The following ARHGAP32 variants were observed in gnomAD, a reference collection of about 807,000 sequenced individuals.
ARHGAP32 encodes rho GTPase-activating protein 32.
Under a neutral mutation model 186.5 loss-of-function variants are expected in ARHGAP32, and 51 were observed. The observed-to-expected ratio is 0.27, with a 90% confidence interval of 0.22 to 0.35. The LOEUF is 0.35. Among genes scored for constraint, ARHGAP32 ranks in the 10% least tolerant of loss-of-function variants. The pLI, the probability that ARHGAP32 is intolerant of heterozygous loss-of-function variation, is 1.00. For missense variants in ARHGAP32, 2,186 were observed against 2,623.5 expected (o/e 0.83, Z 3.64); for synonymous variants, 950 against 964.3 (o/e 0.99, Z 0.27).
intron 6 of ARHGAP32, among the ~76,000 whole-genome samples, chr11:129,078,248 G>A (rs1173923286): frequency 6.6e-6 from 1 of 152,092 alleles, no homozygotes; most frequent in African/African-American, 2.4e-5. Context: ...CCATCCCTAG[G>A]GGAAGGGGGT....
At chr11:129,029,727 G>A (rs969417323) in intron 11 of ARHGAP32, among the ~76,000 whole-genome samples, 3 of 149,162 alleles carry the variant, frequency 2.0e-5, no homozygotes, top group Non-Finnish European at 3.0e-5. Flanking sequence ...GCGTGAACCC[G>A]GGAGGCGGAG....
chr11:129,162,115 T>C (rs1042853638), intron 2 of ARHGAP32, among the ~76,000 whole-genome samples: 4 of 151,784 alleles, frequency 2.6e-5, no homozygotes, highest in African/African-American at 9.7e-5. Context: ...ATGGACACAG[T>C]GAGTGGAACA....
intron 15 of ARHGAP32, among the ~76,000 whole-genome samples, chr11:128,984,094 C>G (rs1945793481): frequency 6.6e-6 from 1 of 152,126 alleles, no homozygotes; most frequent in Admixed American, 6.5e-5. Flanking sequence ...AAAAGGAAGG[C>G]CGGGCACAGT....
intron 12 of ARHGAP32, among the ~76,000 whole-genome samples, chr11:128,994,716 T>C (rs994318119): frequency 6.6e-6 from 1 of 152,218 alleles, no homozygotes; most frequent in Non-Finnish European, 1.5e-5. Context: ...AAAAACCATT[T>C]TATTTCCTAA....
In ARHGAP32 at chr11:129,062,422, G is replaced by C. The variant is rs1940538373; in HGVS notation, c.886-65C>G. Reference sequence around the variant, plus strand: ...AATTTTAAACCAATTGTTATACCTAGAATTTAAATCCGAACTGTATGAAAA... The same window carrying C: ...AATTTTAAACCAATTGTTATACCTACAATTTAAATCCGAACTGTATGAAAA... On this transcript the variant is annotated intron_variant, in intron 9 of 22. Transcript: ENST00000682385. 2.2e-6 allele frequency: 3 copies of C among 1,360,572 alleles called. No individual in the cohort carries two copies. The Admixed American group carries it at 5.1e-5, about 23-fold the overall frequency. The allele number at this position is 1,360,572 out of a possible 1,614,324, so 84.3% of individuals were successfully genotyped here. A position where few individuals can be genotyped will look rare whatever the true frequency, so the allele number is the denominator to read the frequency against.
intron 12 of ARHGAP32, among the ~76,000 whole-genome samples, chr11:128,989,515 TTCACAC>T (rs1217659532): frequency 1.1e-5 from 1 of 87,184 alleles, no homozygotes. Flanking sequence ...TGTTTTTTAT[TTCACAC>T]ACACACACAC....
At chr11:128,984,943 C>T (rs1300053044) in intron 15 of ARHGAP32, among the ~76,000 whole-genome samples, 2 of 152,148 alleles carry the variant, frequency 1.3e-5, no homozygotes, top group African/African-American at 2.4e-5. Flanking sequence ...TACAGATAGT[C>T]TCCAACTTAC....
At chr11:129,085,015 G>A (rs1941340655) in intron 6 of ARHGAP32, among the ~76,000 whole-genome samples, 1 of 151,422 alleles carries the variant, frequency 6.6e-6, no homozygotes, top group Non-Finnish European at 1.5e-5. Flanking sequence ...GAGAAATTTT[G>A]TTTGGTTTTA....
chr11:128,991,872 T>G (rs1448206190), intron 12 of ARHGAP32, among the ~76,000 whole-genome samples: 3 of 152,222 alleles, frequency 2.0e-5, no homozygotes, highest in African/African-American at 7.2e-5. Flanking sequence ...ATCTTTGATT[T>G]TTTTTTCTTG....
At chr11:129,064,792 G>T in intron 8 of ARHGAP32, 49 bp downstream of exon 8, 2 of 1,371,578 alleles carry the variant, frequency 1.5e-6, no homozygotes, top group Non-Finnish European at 2.0e-6. Context: ...AATTTCTTAA[G>T]TAGATAATTT....
At chr11:128,981,589 G>A (rs138714402) in intron 16 of ARHGAP32, 28 bp from the exon 17 acceptor site, 1 of 1,590,854 alleles carries the variant, frequency 6.3e-7, no homozygotes, top group East Asian at 2.2e-5. Flanking sequence ...TCATCACAGA[G>A]TTGTAAAGAT....
intron 1 of ARHGAP32, among the ~76,000 whole-genome samples, chr11:129,237,993 T>C (rs1944960031): frequency 6.6e-6 from 1 of 152,128 alleles, no homozygotes; most frequent in Non-Finnish European, 1.5e-5. Flanking sequence ...AGACGCATTT[T>C]GATGGTAGGG....
intron 1 of ARHGAP32, among the ~76,000 whole-genome samples, chr11:129,277,593 G>C (rs1350356245): frequency 6.6e-6 from 1 of 152,194 alleles, no homozygotes; most frequent in African/African-American, 2.4e-5. Context: ...ACAAGTCTCT[G>C]TCCAAAGTGC....
chr11:129,214,185 T>A (rs1331525409), intron 1 of ARHGAP32, among the ~76,000 whole-genome samples: 1 of 152,024 alleles, frequency 6.6e-6, no homozygotes. Flanking sequence ...GGTAATGGCA[T>A]CCCAGATGAA....
intron 1 of ARHGAP32, among the ~76,000 whole-genome samples, chr11:129,168,289 T>C (rs1210484593): frequency 1.3e-5 from 2 of 152,104 alleles, no homozygotes; most frequent in East Asian, 3.9e-4. Flanking sequence ...ATACTTTAAA[T>C]ATAACAACAC....
intron 5 of ARHGAP32, among the ~76,000 whole-genome samples, chr11:129,114,672 T>C (rs1942315052): frequency 6.6e-6 from 1 of 152,144 alleles, no homozygotes; most frequent in Non-Finnish European, 1.5e-5. Flanking sequence ...ACTCAGTGAT[T>C]TAAATAATTT....
chr11:129,214,137 CA>C (rs1176687261), intron 1 of ARHGAP32, among the ~76,000 whole-genome samples: 6 of 151,882 alleles, frequency 4.0e-5, no homozygotes, highest in African/African-American at 1.5e-4. Flanking sequence ...GAGAAACTGT[CA>C]CAACAAAAAG....
intron 1 of ARHGAP32, among the ~76,000 whole-genome samples, chr11:129,243,884 C>G (rs954062728): frequency 3.9e-5 from 6 of 152,206 alleles, no homozygotes; most frequent in African/African-American, 1.4e-4. Flanking sequence ...CACTGTGACA[C>G]TTTCTTGTGT....
At chr11:129,188,545 A>C (rs1483081592) in intron 1 of ARHGAP32, among the ~76,000 whole-genome samples, 1 of 152,170 alleles carries the variant, frequency 6.6e-6, no homozygotes, top group Non-Finnish European at 1.5e-5. Flanking sequence ...AATAGCTTCT[A>C]ACTTGTGGCA....
Sources: allele counts gnomAD v4.1 joint callset (sites outside exome capture counted in the v4.1 genomes callset), GRCh38; gene constraint gnomAD v4.1.1; transcripts MANE v1.5; gene names NCBI Gene and HGNC (gene_info 2026-07-23, HGNC 2026-07-21).